The following AFF1 variants were observed in gnomAD, a reference collection of about 807,000 sequenced individuals.
AFF1 encodes the protein ALF transcription elongation factor 1.
In AFF1, 48 loss-of-function variants were observed where a neutral mutation model predicts 121.7. The observed-to-expected ratio is 0.39, with a 90% CI of 0.31 to 0.50. The LOEUF is 0.50. Among genes scored for constraint, AFF1 ranks in the 20% least tolerant of loss-of-function variants. The pLI is 0.76. For synonymous variants in AFF1, 613 were observed against 563.0 expected, an observed-to-expected ratio of 1.09 and a Z score of -1.26; for missense variants, 1,523 against 1,511.7, an observed-to-expected ratio of 1.01 and a Z score of -0.12.
chr4:87,051,967 G>GA (rs1426236944), intron 4 of AFF1, among the ~76,000 whole-genome samples: 16 of 152,200 alleles, frequency 1.1e-4, no homozygotes, highest in Non-Finnish European at 2.1e-4. Flanking sequence ...AGGATGAGAT[G>GA]AATCAGAGGA....
intron 11 of AFF1, among the ~76,000 whole-genome samples, chr4:87,112,110 G>C (rs1044227965): frequency 2.0e-5 from 3 of 152,206 alleles, no homozygotes; most frequent in African/African-American, 7.2e-5. Context: ...CTTTGTGCCT[G>C]ATGTGATTGG....
intron 12 of AFF1, among the ~76,000 whole-genome samples, chr4:87,124,719 T>A (rs1183358305): frequency 6.6e-6 from 1 of 152,226 alleles, no homozygotes; most frequent in East Asian, 1.9e-4. Context: ...TAGAAAAACA[T>A]CAGTGGTCTA....
intron 2 of AFF1, among the ~76,000 whole-genome samples, chr4:87,009,898 G>T (rs1726561174): frequency 6.6e-6 from 1 of 152,164 alleles, no homozygotes; most frequent in African/African-American, 2.4e-5. Flanking sequence ...AATTTAGACC[G>T]ACAGACTCAT....
rs1729602471 is a variant in AFF1 at position 87,140,082 on chromosome 4, G to A, written c.*4381G>A. The A allele has an allele frequency of 4.9e-6, 1 of 205,022 alleles. No individual in the cohort carries two copies. Among genetic ancestry groups the A allele is most frequent in the African/African-American group, 2.3e-5 (1 of 43,744 alleles). The allele number at this position is 205,022 out of a possible 1,614,324, so 12.7% of individuals were successfully genotyped here. A position where few individuals can be genotyped will look rare whatever the true frequency, so the allele number is the denominator to read the frequency against. ...AAGAGGGCAGGAGGGAAACCCTACA[G>A]CTCCTTGTGAGCCTATATATTAGTA... On this transcript the variant is annotated 3_prime_UTR_variant, in exon 21 of 21. Transcript: ENST00000395146.
chr4:87,046,426 T>C lies in AFF1; in HGVS notation c.159+140T>C, dbSNP rs114567746. 5.9e-4 allele frequency: 780 copies of C among 1,320,474 alleles called. 9 individuals carry two copies. The African/African-American group carries it at 8.2e-3, about 14-fold the overall frequency. 81.8% of individuals were successfully genotyped at this position (1,320,474 alleles called of 1,614,324 possible). A position where few individuals can be genotyped will look rare whatever the true frequency, so the allele number is the denominator to read the frequency against. Reference sequence around the variant, plus strand: ...AACTTATTCTAACTTATTCTAGAGATTTTTGAAAACAAAGTATGAAAATTC... The same window carrying C: ...AACTTATTCTAACTTATTCTAGAGACTTTTGAAAACAAAGTATGAAAATTC... On this transcript the variant is annotated intron_variant, in intron 3 of 20. Coordinates refer to ENST00000395146, the MANE Select transcript of AFF1 (RefSeq NM_001166693.3).
chr4:86,941,925 A>C (rs1055846521), intron 1 of AFF1, among the ~76,000 whole-genome samples: 1 of 151,928 alleles, frequency 6.6e-6, no homozygotes, highest in East Asian at 1.9e-4. Context: ...ATTGTCTCCG[A>C]ACACCTTTCC....
chr4:87,097,724 G>GT (rs1725010166), intron 8 of AFF1, among the ~76,000 whole-genome samples: 1 of 152,160 alleles, frequency 6.6e-6, no homozygotes, highest in South Asian at 2.1e-4. Context: ...TGGTGATTAT[G>GT]TGGGGGGTAG....
intron 2 of AFF1, among the ~76,000 whole-genome samples, chr4:86,963,265 G>C (rs949816988): frequency 6.7e-6 from 1 of 149,864 alleles, no homozygotes; most frequent in African/African-American, 2.5e-5. Context: ...TAAGTAAATA[G>C]AAATCATATA....
chr4:87,002,425 GTTTT>G (rs3035506), intron 2 of AFF1, among the ~76,000 whole-genome samples: 3 of 68,178 alleles, frequency 4.4e-5, no homozygotes, highest in African/African-American at 1.0e-4. Flanking sequence ...GGGCAATGAA[GTTTT>G]TTTTTTTTTT....
At chr4:87,061,499 CAG>C (rs1385217808) in intron 4 of AFF1, among the ~76,000 whole-genome samples, 3 of 152,236 alleles carry the variant, frequency 2.0e-5, no homozygotes. Flanking sequence ...TGGCTGCCCA[CAG>C]AGCGTCAGAG....
chr4:86,967,280 C>T (rs1005260254), intron 2 of AFF1, among the ~76,000 whole-genome samples: 1 of 151,964 alleles, frequency 6.6e-6, no homozygotes, highest in African/African-American at 2.4e-5. Context: ...GATGTGTGTT[C>T]CAGATAAAGG....
chr4:87,010,839 G>T (rs1320357865), intron 2 of AFF1, among the ~76,000 whole-genome samples: 1 of 152,158 alleles, frequency 6.6e-6, no homozygotes, highest in Non-Finnish European at 1.5e-5. Flanking sequence ...TGTAATCCCA[G>T]CACTTTTGGG....
intron 2 of AFF1, among the ~76,000 whole-genome samples, chr4:86,954,614 G>A (rs1256855602): frequency 6.6e-6 from 1 of 152,146 alleles, no homozygotes; most frequent in Non-Finnish European, 1.5e-5. Flanking sequence ...CAGGGGTCCA[G>A]GTGGGGTAAA....
chr4:87,124,459 T>C (rs1373892608), intron 12 of AFF1, among the ~76,000 whole-genome samples: 1 of 152,234 alleles, frequency 6.6e-6, no homozygotes, highest in Non-Finnish European at 1.5e-5. Flanking sequence ...TTTCTATTGT[T>C]GTTATATATC....
chr4:87,082,357 T>G (rs1213743779), intron 4 of AFF1, among the ~76,000 whole-genome samples: 1 of 152,162 alleles, frequency 6.6e-6, no homozygotes, highest in Non-Finnish European at 1.5e-5. Context: ...AGGTGTTTCT[T>G]AATGGTTTTA....
At chr4:87,060,856 A>C (rs1314748375) in intron 4 of AFF1, among the ~76,000 whole-genome samples, 6 of 47,442 alleles carry the variant, frequency 1.3e-4, no homozygotes, top group African/African-American at 4.6e-4. Flanking sequence ...AAAAAAAAAA[A>C]AAAAAAAAAA....
chr4:87,127,791 T>TCAC, intron 16 of AFF1, 88 bp downstream of exon 16: 1 of 1,332,198 alleles, frequency 7.5e-7, no homozygotes, highest in Non-Finnish European at 1.1e-6. Flanking sequence ...GTATTCCATA[T>TCAC]CACTCAGCGT....
intron 14 of AFF1, 127 bp from the exon 15 acceptor site, chr4:87,126,899 G>C: frequency 1.3e-6 from 1 of 778,464 alleles, no homozygotes; most frequent in East Asian, 2.5e-5. Flanking sequence ...AGCCAGGGTA[G>C]ATTGTGCATT....
At chr4:87,038,264 T>A (rs1167578906) in intron 2 of AFF1, among the ~76,000 whole-genome samples, 1 of 152,212 alleles carries the variant, frequency 6.6e-6, no homozygotes, top group African/African-American at 2.4e-5. Context: ...CTGAGTGATT[T>A]TTATTATGAG....
Sources: allele counts gnomAD v4.1 joint callset (sites outside exome capture counted in the v4.1 genomes callset), GRCh38; gene constraint gnomAD v4.1.1; transcripts MANE v1.5; gene names NCBI Gene and HGNC (gene_info 2026-07-23, HGNC 2026-07-21).